The following MYO19 variants were observed in gnomAD, a reference collection of about 807,000 sequenced individuals.
MYO19 encodes the protein unconventional myosin-XIX.
A neutral mutation model predicts 129.2 loss-of-function variants in MYO19; 132 were observed. The observed-to-expected ratio is 1.02, with a 90% CI of 0.89 to 1.18. The LOEUF is 1.18. Among genes scored for constraint, MYO19 ranks in the 50% most tolerant of loss-of-function variants. The probability of loss-of-function intolerance (pLI) is 0.00; values close to 1 mark genes in which losing one functional copy is unlikely to be tolerated. For synonymous variants in MYO19, 531 were observed against 477.2 expected (o/e 1.11, Z -1.47); for missense variants, 1,210 against 1,216.7 (o/e 0.99, Z 0.08).
rs1046180887 is a variant in MYO19, at chr17:36,500,854, G to A, written c.2353C>T (p.Arg785Trp). 2.5e-6 allele frequency: 4 copies of A among 1,603,124 alleles called. No individual in the cohort carries two copies. The highest frequency in any genetic ancestry group is 1.7e-4 in the Middle Eastern group (1 of 5,758). The change falls in exon 23 of 26, where the codon CGG becomes TGG. Residue 785 changes from arginine to tryptophan, a missense_variant. Physicochemically the swap from Arg to Trp is moderately radical, Grantham distance 101. Transcript: ENST00000614623. ...HRHREQERQWRAVMLIQAAIR... is the reference protein window; with the variant it reads ...HRHREQERQWWAVMLIQAAIR... ...CCTGCCTGGATGAGCATGACGGCCC[G>A]CCACTGCCGCTCCTGCTCTCGGTGC...
In MYO19 at chr17:36,534,521, G is replaced by A. The variant is rs147805880; in HGVS notation, c.-296+240C>T. Reference sequence around the variant, plus strand: ...CTCTCCCCCCAGGCCGCCCCCTGCCGGCCAGGTGGAAAGGTGGAGGGTGAT... The same window carrying A: ...CTCTCCCCCCAGGCCGCCCCCTGCCAGCCAGGTGGAAAGGTGGAGGGTGAT... On this transcript the variant is annotated intron_variant, in intron 1 of 25. Transcript: ENST00000614623. 7.7e-3 allele frequency among the ~76,000 whole-genome samples: 1,176 copies of A among 152,290 alleles called. 12 individuals carry two copies. The highest frequency in any genetic ancestry group is 0.027 in the African/African-American group (1,118 of 41,556).
intron 25 of MYO19, 157 bp downstream of exon 25, chr17:36,498,104 TCCAAA>T (rs2071169530): frequency 2.9e-6 from 2 of 692,276 alleles, no homozygotes; most frequent in Non-Finnish European, 2.3e-6. Context: ...AAATAAATAA[TCCAAA>T]CCTGCAGCTG....
Position 36,500,803 on chromosome 17 carries a change from G to A in MYO19, c.2377+27C>T, listed in dbSNP as rs1305849766. On this transcript the variant is annotated intron_variant, in intron 23 of 25. Transcript: ENST00000614623. ...CAACATCCTGTGGGGTCTGTGAGCA[G>A]TGCTGACAGGTGACCTGCCCACCTA... 6.3e-6 allele frequency: 10 copies of A among 1,590,772 alleles called. No homozygotes were observed. In the East Asian group the frequency reaches 6.7e-5, roughly 11 times the overall value.
At chr17:36,526,827 C>G (rs943115742) in intron 5 of MYO19, among the ~76,000 whole-genome samples, 1 of 152,084 alleles carries the variant, frequency 6.6e-6, no homozygotes, top group African/African-American at 2.4e-5. Flanking sequence ...GCGGAGGTTG[C>G]GGTGAGTCAA....
intron 6 of MYO19, among the ~76,000 whole-genome samples, chr17:36,522,195 C>T (rs2073177351): frequency 6.6e-6 from 1 of 152,050 alleles, no homozygotes; most frequent in Admixed American, 6.6e-5. Context: ...CCTCCAGGTA[C>T]CTTGTTCAGG....
At chr17:36,528,344 T>TA (rs1274722501) in intron 3 of MYO19, 142 bp from the exon 4 acceptor site, 56 of 882,534 alleles carry the variant, frequency 6.3e-5, no homozygotes, top group Middle Eastern at 3.7e-4. Context: ...CCGTCTCTAC[T>TA]AAAAAAAATT....
chr17:36,506,757 G>T, intron 17 of MYO19, 149 bp from the exon 18 acceptor site: 2 of 1,127,976 alleles, frequency 1.8e-6, no homozygotes, highest in Middle Eastern at 4.7e-4. Context: ...CAGAGACCTG[G>T]AGACCCAGTC....
chr17:36,536,236 G>A (rs1180602171), upstream of MYO19, among the ~76,000 whole-genome samples: 1 of 152,164 alleles, frequency 6.6e-6, no homozygotes, highest in Non-Finnish European at 1.5e-5. Flanking sequence ...TGTAAATGAG[G>A]AAAGGAGCAG....
intron 2 of MYO19, among the ~76,000 whole-genome samples, chr17:36,541,396 C>T (rs1297994551): frequency 6.6e-6 from 1 of 152,152 alleles, no homozygotes; most frequent in Admixed American, 6.6e-5. Flanking sequence ...ATGTTCCTCC[C>T]TAGGAGTTTA....
At chr17:36,531,616 A>G (rs895059424) in intron 3 of MYO19, among the ~76,000 whole-genome samples, 3 of 152,136 alleles carry the variant, frequency 2.0e-5, no homozygotes, top group East Asian at 3.9e-4. Context: ...AAAAGTTTAA[A>G]AATAAGCAAG....
intron 13 of MYO19, 97 bp downstream of exon 13, chr17:36,510,649 G>T (rs1260152905): frequency 5.2e-6 from 7 of 1,358,360 alleles, no homozygotes; most frequent in Non-Finnish European, 7.0e-6. Context: ...TCCCACCCTG[G>T]GCCTGTGCCT....
At chr17:36,529,999 T>C (rs1019323461) in intron 3 of MYO19, among the ~76,000 whole-genome samples, 4 of 152,170 alleles carry the variant, frequency 2.6e-5, no homozygotes, top group South Asian at 2.1e-4. Context: ...CAATGAGTTA[T>C]GATTGTACCG....
intron 15 of MYO19, 86 bp from the exon 16 acceptor site, chr17:36,507,598 A>G (rs1232392928): frequency 2.5e-5 from 36 of 1,422,244 alleles, no homozygotes; most frequent in Non-Finnish European, 3.5e-5. Flanking sequence ...TCGGTACCAC[A>G]GCGTATTCCA....
intron 25 of MYO19, chr17:36,497,466 C>T (rs954847429): frequency 1.1e-6 from 1 of 898,570 alleles, no homozygotes; most frequent in Non-Finnish European, 1.3e-6. Flanking sequence ...CTCCTCACAA[C>T]CCAAGTTGTG....
At chr17:36,537,681 T>G, upstream of MYO19, 4 of 1,614,036 alleles carry the variant, frequency 2.5e-6, no homozygotes, top group Non-Finnish European at 3.4e-6. Flanking sequence ...TATGGAAGGG[T>G]CCAAATTGCA....
At chr17:36,520,148 G>A (rs920382002) in intron 6 of MYO19, among the ~76,000 whole-genome samples, 8 of 151,814 alleles carry the variant, frequency 5.3e-5, no homozygotes, top group African/African-American at 1.9e-4. Context: ...CTAATTTTTT[G>A]TATTTTTAAT....
intron 2 of MYO19, among the ~76,000 whole-genome samples, chr17:36,541,150 T>G (rs2074196055): frequency 6.6e-6 from 1 of 152,066 alleles, no homozygotes; most frequent in Admixed American, 6.6e-5. Flanking sequence ...GGTTTCACCG[T>G]TAGCCAAGAT....
Position 36,510,868 on chromosome 17 carries a change from C to G in MYO19, c.1035G>C (p.Leu345=). ...ASLLGLPEDV[L]LEMVQIRTIR... Reference sequence around the variant, plus strand: ...TGGTTCTAATCTGCACCATCTCCAGCAGCACGTCCTCTGGGAGCCCCAGCA... The same window carrying G: ...TGGTTCTAATCTGCACCATCTCCAGGAGCACGTCCTCTGGGAGCCCCAGCA... The change falls in exon 13 of 26, where the codon CTG becomes CTC. Residue 345 remains leucine, a synonymous_variant. Transcript: ENST00000614623. 6.3e-7 allele frequency: 1 copy of G among 1,582,656 alleles called. No homozygotes were observed. Among genetic ancestry groups the G allele is most frequent in the Non-Finnish European group, 8.6e-7 (1 of 1,164,178 alleles).
At chr17:36,498,855 A>C (rs569482734) in intron 24 of MYO19, 1 of 593,000 alleles carries the variant, frequency 1.7e-6, no homozygotes. Flanking sequence ...AGTTTGGTAT[A>C]TTCCCAGAGT....
Sources: gnomAD v4.1 joint callset for allele counts (sites outside exome capture counted in the v4.1 genomes callset) on GRCh38, gnomAD v4.1.1 for gene constraint, MANE v1.5 for transcripts, NCBI Gene and HGNC (gene_info 2026-07-23, HGNC 2026-07-21) for gene names.